The following C8A variants were observed in gnomAD, a reference collection of about 807,000 sequenced individuals.
The protein encoded by C8A is complement component C8 alpha chain.
In C8A, 67 loss-of-function variants were observed where a neutral mutation model predicts 65.3. The observed-to-expected ratio is 1.03, with a 90% CI of 0.84 to 1.26. The LOEUF is 1.26. Ranked by LOEUF, C8A falls within the 50% of genes most tolerant of loss-of-function variation. The probability of loss-of-function intolerance (pLI) is 0.00; values close to 1 mark genes in which losing one functional copy is unlikely to be tolerated. For missense variants in C8A, 781 were observed against 723.9 expected, an observed-to-expected ratio of 1.08 and a Z score of -0.90; for synonymous variants, 290 against 259.4, an observed-to-expected ratio of 1.12 and a Z score of -1.13.
Position 56,874,932 on chromosome 1 carries a change from T to C in C8A, c.172-17T>C. ...GATTGGTTGACAAGAATGTGTCTTG[T>C]TCAAAATCTGGTTTAGTACCGACAC... is the stretch of plus-strand genomic sequence containing the variant. On this transcript the variant is annotated splice_polypyrimidine_tract_variant and intron_variant, in intron 2 of 10. Coordinates refer to ENST00000361249, the MANE Select transcript of C8A (RefSeq NM_000562.3). 3 of 1,613,276 alleles carry C rather than the reference T, an allele frequency of 1.9e-6. No homozygotes were observed. Among genetic ancestry groups the C allele is most frequent in the African/African-American group, 1.3e-5 (1 of 75,010 alleles).
rs1285917260 is a variant in C8A at position 56,885,269 on chromosome 1, TATAAATATATATTTAC to T, written c.856-642_856-627del. Among the ~76,000 whole-genome samples the T allele has an allele frequency of 4.8e-5, 7 of 144,486 alleles. No homozygotes were observed. In the East Asian group the frequency reaches 1.4e-3, roughly 28 times the overall value. The allele number at this position is 144,486 out of a possible 152,430, so 94.8% of individuals were successfully genotyped here. On this transcript the variant is annotated intron_variant, in intron 6 of 10. Coordinates refer to ENST00000361249, the MANE Select transcript of C8A (RefSeq NM_000562.3). ...ATTTATGTTCATATACGTGTTTATATATAAATATATATTTACATAAATATATATTTATATATATTTA... is the reference window on the plus strand; with the variant it reads ...ATTTATGTTCATATACGTGTTTATATATAAATATATATTTATATATATTTA...
chr1:56,888,326 T>C (rs566155359), intron 7 of C8A, among the ~76,000 whole-genome samples: 1 of 152,140 alleles, frequency 6.6e-6, no homozygotes, highest in Admixed American at 6.5e-5. Context: ...AATTCATCCG[T>C]CTACATATTC....
chr1:56,910,305 A>G (rs1644495666), intron 9 of C8A, among the ~76,000 whole-genome samples: 1 of 152,162 alleles, frequency 6.6e-6, no homozygotes, highest in Non-Finnish European at 1.5e-5. Flanking sequence ...GTGTTGCTAT[A>G]TTGTATCATT....
intron 6 of C8A, among the ~76,000 whole-genome samples, chr1:56,885,393 T>C (rs1420420556): frequency 8.1e-6 from 1 of 123,914 alleles, no homozygotes; most frequent in Non-Finnish European, 1.6e-5. Context: ...AATATATATT[T>C]AAATAAATAT....
Position 56,917,696 on chromosome 1 carries a change from G to A in C8A, c.1735G>A (p.Val579Ile), listed in dbSNP as rs1644564797. Residue 579 changes from valine to isoleucine, a missense_variant, in exon 11 of 11, where the codon GTA becomes ATA. Physicochemically the swap from Val to Ile is conservative, Grantham distance 29. Transcript: ENST00000361249. ...AGGGGCCTCGTGTCCAGGGCGGAAA[G>A]TACAGACGCAGGCTTGCTGAGGGCC... ...NGGASCPGRK[V>I]QTQAC 1 of 1,614,208 alleles carries A rather than the reference G, an allele frequency of 6.2e-7. No homozygotes were observed. The highest frequency in any genetic ancestry group is 8.5e-7 in the Non-Finnish European group (1 of 1,180,046).
chr1:56,857,853 G>A lies in C8A; in HGVS notation c.77+2875G>A, dbSNP rs79413192. On this transcript the variant is annotated intron_variant, in intron 1 of 10. Coordinates refer to ENST00000361249, the MANE Select transcript of C8A (RefSeq NM_000562.3). ...TTTTCTGCCCCATACACTCTCATCTGTCTTTCTTATAGTCCAATTACAGAG... is the reference window on the plus strand; with the variant it reads ...TTTTCTGCCCCATACACTCTCATCTATCTTTCTTATAGTCCAATTACAGAG... Among the ~76,000 whole-genome samples the A allele has an allele frequency of 3.0e-4, 46 of 152,074 alleles. No individual in the cohort carries two copies. In the East Asian group the frequency reaches 7.2e-3, roughly 24 times the overall value.
chr1:56,893,528 T>G (rs531252170), intron 7 of C8A, among the ~76,000 whole-genome samples: 1 of 152,274 alleles, frequency 6.6e-6, no homozygotes, highest in African/African-American at 2.4e-5. Context: ...AAGGGCTTGT[T>G]TGGTTGAAAA....
chr1:56,861,507 G>A (rs953426860), intron 1 of C8A, among the ~76,000 whole-genome samples: 3 of 152,200 alleles, frequency 2.0e-5, no homozygotes, highest in African/African-American at 7.2e-5. Context: ...TGAGGGATCT[G>A]CCCCATGACC....
At chr1:56,879,492 G>T (rs1644230083) in intron 4 of C8A, among the ~76,000 whole-genome samples, 2 of 152,054 alleles carry the variant, frequency 1.3e-5, no homozygotes, top group South Asian at 4.1e-4. Flanking sequence ...GTTTTGTTCA[G>T]TCTATTAAGA....
chr1:56,865,131 T>C (rs1322673664), intron 1 of C8A, among the ~76,000 whole-genome samples: 2 of 152,188 alleles, frequency 1.3e-5, no homozygotes, highest in African/African-American at 4.8e-5. Context: ...TGTAACAAAA[T>C]GGGAAGAACG....
chr1:56,907,787 G>T lies in C8A; in HGVS notation c.1223-169G>T, dbSNP rs1168253983. On this transcript the variant is annotated intron_variant, in intron 8 of 10. Coordinates refer to ENST00000361249, the MANE Select transcript of C8A (RefSeq NM_000562.3). ...GAGGATGGGTCTATTTCTGAGTCTT[G>T]GTCCTTCCCTTCTGCCTTGTCCTGC... Among the ~76,000 whole-genome samples the T allele has an allele frequency of 3.9e-5, 6 of 152,098 alleles. No homozygotes were observed. In the South Asian group the frequency reaches 6.2e-4, roughly 16 times the overall value.
intron 7 of C8A, among the ~76,000 whole-genome samples, chr1:56,906,410 A>G (rs1188629412): frequency 1.3e-5 from 2 of 152,198 alleles, no homozygotes; most frequent in Admixed American, 6.5e-5. Flanking sequence ...GGCTCAATAA[A>G]GAATGGTCAA....
At chr1:56,915,455 G>T (rs1644543323) in intron 10 of C8A, among the ~76,000 whole-genome samples, 1 of 152,152 alleles carries the variant, frequency 6.6e-6, no homozygotes, top group African/African-American at 2.4e-5. Flanking sequence ...AACTACTCTG[G>T]ATTGATACAG....
At chr1:56,856,598 A>G (rs1643979300) in intron 1 of C8A, among the ~76,000 whole-genome samples, 1 of 152,124 alleles carries the variant, frequency 6.6e-6, no homozygotes, top group South Asian at 2.1e-4. Flanking sequence ...TGCAAAATAA[A>G]ATTTCACATG....
intron 1 of C8A, among the ~76,000 whole-genome samples, chr1:56,857,178 A>G (rs1643984958): frequency 6.6e-6 from 1 of 152,006 alleles, no homozygotes; most frequent in Non-Finnish European, 1.5e-5. Flanking sequence ...ATGTCACTCA[A>G]GTTTTCATCT....
intron 7 of C8A, among the ~76,000 whole-genome samples, chr1:56,889,585 C>A (rs1644328763): frequency 6.6e-6 from 1 of 152,086 alleles, no homozygotes; most frequent in Non-Finnish European, 1.5e-5. Flanking sequence ...TATCTTTGAT[C>A]TATATGCTAT....
intron 1 of C8A, among the ~76,000 whole-genome samples, chr1:56,862,079 T>C (rs1379182280): frequency 1.3e-5 from 2 of 152,274 alleles, no homozygotes; most frequent in South Asian, 2.1e-4. Flanking sequence ...GTACATTCAA[T>C]ATATTTTTGA....
At chr1:56,864,940 A>T (rs1026325216) in intron 1 of C8A, among the ~76,000 whole-genome samples, 2 of 152,206 alleles carry the variant, frequency 1.3e-5, no homozygotes, top group African/African-American at 4.8e-5. Context: ...GCACCAATGG[A>T]TAAAACTGCT....
At chr1:56,883,277 T>G (rs1224573111) in intron 5 of C8A, among the ~76,000 whole-genome samples, 2 of 152,086 alleles carry the variant, frequency 1.3e-5, no homozygotes, top group African/African-American at 4.8e-5. Flanking sequence ...AATAAGTATT[T>G]TATCAGTACC....
Sources: allele counts gnomAD v4.1 joint callset (sites outside exome capture counted in the v4.1 genomes callset), GRCh38; gene constraint gnomAD v4.1.1; transcripts MANE v1.5; gene names NCBI Gene and HGNC (gene_info 2026-07-23, HGNC 2026-07-21).